The following HOGA1 variants were observed in gnomAD, a reference collection of about 807,000 sequenced individuals.
HOGA1 encodes 4-hydroxy-2-oxoglutarate aldolase, mitochondrial.
A neutral mutation model predicts 34.3 loss-of-function variants in HOGA1; 30 were observed. The ratio of observed to expected loss-of-function variants is 0.87; its 90% confidence interval spans 0.65 to 1.19. HOGA1 has a LOEUF of 1.19. HOGA1 is among the 50% of genes most tolerant of loss of function. The pLI, the probability that HOGA1 is intolerant of heterozygous loss-of-function variation, is 0.00. For missense variants in HOGA1, 417 were observed against 436.5 expected (o/e 0.96, Z 0.40); for synonymous variants, 161 against 174.0 (o/e 0.93, Z 0.59).
Position 97,584,557 on chromosome 10 carries a change from C to T in HOGA1, c.-147C>T, listed in dbSNP as rs576796994. 4 of 716,060 alleles carry T rather than the reference C, an allele frequency of 5.6e-6. No individual in the cohort carries two copies. Among genetic ancestry groups the T allele is most frequent in the South Asian group, 5.3e-5 (3 of 56,220 alleles). 44.4% of individuals were successfully genotyped at this position (716,060 alleles called of 1,614,324 possible). ...CCTTGCCCCTGACCCTGGGAACACC[C>T]AGCTCAGGCCTGCCCCAGTGGCCAC... On this transcript the variant is annotated 5_prime_UTR_variant, in exon 1 of 7. Coordinates refer to ENST00000370646, the MANE Select transcript of HOGA1 (RefSeq NM_138413.4).
At chr10:97,600,290 C>A in intron 5 of HOGA1, 127 bp downstream of exon 5, 1 of 821,934 alleles carries the variant, frequency 1.2e-6, no homozygotes, top group Non-Finnish European at 2.1e-6. Context: ...CCTGCCCACT[C>A]TGAAAACTCA....
intron 1 of HOGA1, among the ~76,000 whole-genome samples, chr10:97,593,321 C>CA (rs1327473664): frequency 4.0e-4 from 61 of 151,836 alleles, no homozygotes; most frequent in African/African-American, 1.4e-3. Flanking sequence ...ACTAAAAATA[C>CA]AAAAAATTAG....
At chr10:97,586,972 A>T (rs2040975946) in intron 1 of HOGA1, among the ~76,000 whole-genome samples, 1 of 152,052 alleles carries the variant, frequency 6.6e-6, no homozygotes, top group Non-Finnish European at 1.5e-5. Context: ...GTTAACAGAG[A>T]CCTTGGGGAA....
At chr10:97,600,527 G>A in intron 5 of HOGA1, 1 of 364,640 alleles carries the variant, frequency 2.7e-6, no homozygotes. Context: ...TAGTTCAGGA[G>A]TCCATTTTCC....
intron 1 of HOGA1, among the ~76,000 whole-genome samples, chr10:97,598,477 T>C (rs2041087846): frequency 6.6e-6 from 1 of 152,230 alleles, no homozygotes; most frequent in Non-Finnish European, 1.5e-5. Context: ...CTTAATTCCA[T>C]TTCTACAAGG....
At chr10:97,590,132 A>C (rs201791108) in intron 1 of HOGA1, 99 of 1,614,024 alleles carry the variant, frequency 6.1e-5, no homozygotes, top group Non-Finnish European at 8.1e-5. Context: ...AGAGACCTTC[A>C]CCACGAGGCA....
chr10:97,599,508 A>G, intron 3 of HOGA1, 172 bp from the exon 4 acceptor site: 1 of 876,886 alleles, frequency 1.1e-6, no homozygotes, highest in Non-Finnish European at 1.9e-6. Flanking sequence ...AAAGCACTCC[A>G]TAAATATGAC....
At chr10:97,590,937 C>G (rs2041017251) in intron 1 of HOGA1, 1 of 251,312 alleles carries the variant, frequency 4.0e-6, no homozygotes, top group Non-Finnish European at 8.2e-6. Flanking sequence ...TGCCTTCACT[C>G]TGAGTCCAGG....
At position 97,596,876 on chromosome 10, in the gene HOGA1, T is replaced by C. The variant is rs531911008; in HGVS notation, c.212-1899T>C. Among the ~76,000 whole-genome samples, 19 of 152,256 alleles carry C rather than the reference T, an allele frequency of 1.2e-4. No individual in the cohort carries two copies. The East Asian group carries it at 3.3e-3, about 26-fold the overall frequency. ...CTGAAGGATGACTCACAGGAACAATTTCTCTTGGTCCCAGTGCCAGGAAAC... is the reference window on the plus strand; with the variant it reads ...CTGAAGGATGACTCACAGGAACAATCTCTCTTGGTCCCAGTGCCAGGAAAC... On this transcript the variant is annotated intron_variant, in intron 1 of 6. Transcript: ENST00000370646.
In HOGA1 at chr10:97,593,438, C is replaced by T. The variant is rs113606381; in HGVS notation, c.212-5337C>T. Reference sequence around the variant, plus strand: ...GTTGCAGTGAGCCGAGACCATGCCACTGCCCTCCAGCCTGGGTAACAGAGC... The same window carrying T: ...GTTGCAGTGAGCCGAGACCATGCCATTGCCCTCCAGCCTGGGTAACAGAGC... On this transcript the variant is annotated intron_variant, in intron 1 of 6. Coordinates refer to ENST00000370646, the MANE Select transcript of HOGA1 (RefSeq NM_138413.4). Among the ~76,000 whole-genome samples, 84 of 152,164 alleles carry T rather than the reference C, an allele frequency of 5.5e-4. 1 individual carries two copies. Among genetic ancestry groups the T allele is most frequent in the African/African-American group, 2.0e-3 (81 of 41,502 alleles).
At chr10:97,602,139 T>C in intron 6 of HOGA1, 149 bp downstream of exon 6, 1 of 1,549,486 alleles carries the variant, frequency 6.5e-7, no homozygotes, top group Middle Eastern at 1.7e-4. Context: ...GGGAACTCCT[T>C]GTGACTCCCA....
At chr10:97,610,806 A>T (rs1055141756) in intron 6 of HOGA1, among the ~76,000 whole-genome samples, 3 of 151,696 alleles carry the variant, frequency 2.0e-5, no homozygotes, top group Admixed American at 6.6e-5. Flanking sequence ...TCAAAAAAAT[A>T]AATAAATAAA....
intron 1 of HOGA1, chr10:97,590,883 C>T: frequency 2.4e-6 from 1 of 415,030 alleles, no homozygotes; most frequent in Non-Finnish European, 4.5e-6. Context: ...GCAAGAGCCC[C>T]ACACTGATGT....
chr10:97,605,146 C>T (rs763989820), intron 6 of HOGA1, among the ~76,000 whole-genome samples: 123 of 152,196 alleles, frequency 8.1e-4, no homozygotes, highest in Non-Finnish European at 1.4e-3. Context: ...TGGTGGCTCA[C>T]GCCTGTAACC....
intron 6 of HOGA1, among the ~76,000 whole-genome samples, chr10:97,605,562 C>T (rs2135726315): frequency 6.6e-6 from 1 of 152,310 alleles, no homozygotes; most frequent in East Asian, 1.9e-4. Flanking sequence ...AGTTTTTCTG[C>T]AGCTTTGCCA....
chr10:97,598,485 A>T (rs1476062592), intron 1 of HOGA1, among the ~76,000 whole-genome samples: 2 of 152,200 alleles, frequency 1.3e-5, no homozygotes, highest in African/African-American at 2.4e-5. Flanking sequence ...CATTTCTACA[A>T]GGCTTAAAAT....
chr10:97,605,410 C>CAA (rs71007355), intron 6 of HOGA1, among the ~76,000 whole-genome samples: 2,578 of 142,076 alleles, frequency 0.018, 55 homozygotes, highest in African/African-American at 0.055. Flanking sequence ...GATCCTGTCT[C>CAA]AAAAAAAAAA....
intron 6 of HOGA1, among the ~76,000 whole-genome samples, chr10:97,608,626 G>A (rs2041174027): frequency 6.6e-6 from 1 of 152,094 alleles, no homozygotes. Context: ...CCAACATGGT[G>A]AAACCCTCTC....
chr10:97,604,491 C>T (rs1409942722), intron 6 of HOGA1, among the ~76,000 whole-genome samples: 1 of 152,038 alleles, frequency 6.6e-6, no homozygotes, highest in African/African-American at 2.4e-5. Flanking sequence ...CTGGCTAATT[C>T]TTTTTTATTT....
Sources: allele counts gnomAD v4.1 joint callset (sites outside exome capture counted in the v4.1 genomes callset), GRCh38; gene constraint gnomAD v4.1.1; transcripts MANE v1.5; gene names NCBI Gene and HGNC (gene_info 2026-07-23, HGNC 2026-07-21).